VTI1A: variants seen among roughly 807,000 people sequenced by gnomAD.
VTI1A encodes vesicle transport through interaction with t-SNAREs homolog 1A.
Under a neutral mutation model 34.9 loss-of-function variants are expected in VTI1A, and 22 were observed. The observed-to-expected ratio is 0.63, with a 90% CI of 0.45 to 0.90. VTI1A has a LOEUF of 0.90. Among genes scored for constraint, VTI1A ranks in the 40% least tolerant of loss-of-function variants. The pLI is 0.00. For missense variants in VTI1A, 268 were observed against 275.6 expected (o/e 0.97, Z 0.20); for synonymous variants, 87 against 97.3 (o/e 0.89, Z 0.62).
chr10:112,521,614 T>C (rs1028695986), intron 3 of VTI1A, among the ~76,000 whole-genome samples: 3 of 152,028 alleles, frequency 2.0e-5, no homozygotes, highest in Admixed American at 1.3e-4. Context: ...AAAACTTAAT[T>C]TGACCAAGAT....
At chr10:112,505,140 AT>A (rs1564804470) in intron 3 of VTI1A, among the ~76,000 whole-genome samples, 1 of 151,962 alleles carries the variant, frequency 6.6e-6, no homozygotes, top group East Asian at 1.9e-4. Flanking sequence ...TGTTTTTTAT[AT>A]AGTTGAAATT....
chr10:112,589,422 G>A (rs1485923258), intron 5 of VTI1A, among the ~76,000 whole-genome samples: 5 of 143,802 alleles, frequency 3.5e-5, no homozygotes, highest in African/African-American at 1.0e-4. Flanking sequence ...CACCATGATC[G>A]TGGAACTGTA....
intron 7 of VTI1A, among the ~76,000 whole-genome samples, chr10:112,777,779 A>T (rs531502779): frequency 6.6e-6 from 1 of 152,280 alleles, no homozygotes; most frequent in African/African-American, 2.4e-5. Context: ...CCATTTTGTC[A>T]TTTAACTTTC....
intron 5 of VTI1A, among the ~76,000 whole-genome samples, chr10:112,656,174 G>A (rs1847221879): frequency 6.6e-6 from 1 of 152,122 alleles, no homozygotes; most frequent in Non-Finnish European, 1.5e-5. Context: ...GACTGCCTGG[G>A]GTGTTTCGAG....
At chr10:112,555,700 A>C (rs567250174) in intron 5 of VTI1A, among the ~76,000 whole-genome samples, 2 of 152,008 alleles carry the variant, frequency 1.3e-5, no homozygotes, top group Non-Finnish European at 2.9e-5. Flanking sequence ...CTGCTTGTTA[A>C]TTTGCAGCTT....
intron 5 of VTI1A, among the ~76,000 whole-genome samples, chr10:112,568,895 C>T (rs1478906955): frequency 2.6e-5 from 4 of 152,134 alleles, no homozygotes; most frequent in African/African-American, 9.7e-5. Context: ...TGGCTAATGC[C>T]TATGATCCCA....
At chr10:112,477,981 ATCTTGCAGATTTATATTCATTT>A in intron 3 of VTI1A, among the ~76,000 whole-genome samples, 1 of 152,162 alleles carries the variant, frequency 6.6e-6, no homozygotes, top group African/African-American at 2.4e-5. Context: ...CATAGCTAGC[ATCTTGCAGATTTATATTCATTT>A]TAGTTTCAGT....
the VTI1A span, among the ~76,000 whole-genome samples, chr10:112,839,305 C>T: frequency 6.6e-6 from 1 of 152,244 alleles, no homozygotes; most frequent in East Asian, 1.9e-4. Context: ...TGAGAAGCAC[C>T]GTGACAGTGA....
chr10:112,711,696 G>A (rs760216291), intron 7 of VTI1A, among the ~76,000 whole-genome samples: 3 of 152,110 alleles, frequency 2.0e-5, no homozygotes, highest in Non-Finnish European at 4.4e-5. Flanking sequence ...TGGAGAATAC[G>A]CCAACAAAGT....
intron 7 of VTI1A, among the ~76,000 whole-genome samples, chr10:112,806,864 G>A (rs1325306581): frequency 6.6e-6 from 1 of 152,200 alleles, no homozygotes; most frequent in East Asian, 1.9e-4. Flanking sequence ...TGGGATTTCA[G>A]GCATGAGCCA....
the VTI1A span, among the ~76,000 whole-genome samples, chr10:112,832,606 C>T: frequency 6.6e-6 from 1 of 152,230 alleles, no homozygotes. Flanking sequence ...AAAGCTGAGG[C>T]TTAGATCAAA....
At chr10:112,809,324 G>A (rs908744632) in intron 7 of VTI1A, among the ~76,000 whole-genome samples, 8 of 152,212 alleles carry the variant, frequency 5.3e-5, no homozygotes, top group Non-Finnish European at 7.3e-5. Flanking sequence ...ACGTTGAATT[G>A]GATATAGAAT....
chr10:112,834,194 C>G, the VTI1A span, among the ~76,000 whole-genome samples: 2 of 152,270 alleles, frequency 1.3e-5, no homozygotes, highest in East Asian at 3.9e-4. Context: ...CCATCACAGC[C>G]CTCACCAAGG....
intron 5 of VTI1A, among the ~76,000 whole-genome samples, chr10:112,564,457 AC>A (rs918846230): frequency 7.9e-5 from 12 of 151,838 alleles, no homozygotes; most frequent in Non-Finnish European, 1.5e-4. Context: ...AAAAAAAAAA[AC>A]ACTCATATTG....
chr10:112,839,399 A>G, the VTI1A span, among the ~76,000 whole-genome samples: 1 of 152,106 alleles, frequency 6.6e-6, no homozygotes, highest in Admixed American at 6.5e-5. Flanking sequence ...ATGCTGAGGA[A>G]CCCGGTGGGG....
At chr10:112,619,584 GTTTA>G (rs1430115218) in intron 5 of VTI1A, among the ~76,000 whole-genome samples, 2 of 152,286 alleles carry the variant, frequency 1.3e-5, no homozygotes, top group Admixed American at 1.3e-4. Context: ...TGTAGACTAT[GTTTA>G]TTTCTTATTT....
At chr10:112,461,722 T>C (rs1847735489) in intron 2 of VTI1A, among the ~76,000 whole-genome samples, 1 of 152,182 alleles carries the variant, frequency 6.6e-6, no homozygotes, top group African/African-American at 2.4e-5. Context: ...GCTTTTCTAT[T>C]TTATTTTATT....
intron 3 of VTI1A, among the ~76,000 whole-genome samples, chr10:112,518,583 C>CTA (rs1382921929): frequency 1.1e-3 from 92 of 83,202 alleles, no homozygotes; most frequent in South Asian, 2.2e-3. Context: ...CTCTCTCTCT[C>CTA]TCTCTCTATA....
chr10:112,694,695 C>T (rs151268655), intron 7 of VTI1A, among the ~76,000 whole-genome samples: 155 of 152,062 alleles, frequency 1.0e-3, no homozygotes, highest in Middle Eastern at 6.8e-3. Flanking sequence ...CAGCTGGGCA[C>T]GGTGGATCAA....
Sources: gnomAD v4.1 joint callset for allele counts (sites outside exome capture counted in the v4.1 genomes callset) on GRCh38, gnomAD v4.1.1 for gene constraint, MANE v1.5 for transcripts, NCBI Gene and HGNC (gene_info 2026-07-23, HGNC 2026-07-21) for gene names.